FSTL4: variants seen among roughly 807,000 people sequenced by gnomAD.
The protein encoded by FSTL4 is follistatin-related protein 4.
In FSTL4, 28 loss-of-function variants were observed where a neutral mutation model predicts 78.2. The ratio of observed to expected loss-of-function variants is 0.36; its 90% CI spans 0.27 to 0.49. The LOEUF is 0.49. FSTL4 is among the 20% of genes least tolerant of loss of function. The probability of loss-of-function intolerance (pLI) is 0.98; values close to 1 mark genes in which losing one functional copy is unlikely to be tolerated. For synonymous variants in FSTL4, 422 were observed against 440.5 expected, an observed-to-expected ratio of 0.96 and a Z score of 0.53; for missense variants, 922 against 1,084.9, an observed-to-expected ratio of 0.85 and a Z score of 2.11.
At chr5:133,351,146 G>A (rs1754813595) in intron 4 of FSTL4, among the ~76,000 whole-genome samples, 1 of 152,148 alleles carries the variant, frequency 6.6e-6, no homozygotes, top group African/African-American at 2.4e-5. Context: ...CTATACCTGA[G>A]CCCTTCTCGT....
At chr5:133,791,998 C>G in the FSTL4 span, among the ~76,000 whole-genome samples, 2 of 152,364 alleles carry the variant, frequency 1.3e-5, no homozygotes, top group Non-Finnish European at 2.9e-5. Flanking sequence ...TTTGCATCAA[C>G]CTGTAAATTA....
the FSTL4 span, among the ~76,000 whole-genome samples, chr5:133,696,458 T>C: frequency 6.6e-6 from 1 of 152,204 alleles, no homozygotes; most frequent in Admixed American, 6.5e-5. Flanking sequence ...AGAATTCCCC[T>C]GCCTGATCTC....
At chr5:133,544,400 T>C (rs1346009009) in intron 3 of FSTL4, among the ~76,000 whole-genome samples, 4 of 152,208 alleles carry the variant, frequency 2.6e-5, no homozygotes, top group Non-Finnish European at 4.4e-5. Context: ...TGAGGAAACA[T>C]TGGCAACTTA....
At chr5:133,835,257 G>A in the FSTL4 span, among the ~76,000 whole-genome samples, 2 of 152,176 alleles carry the variant, frequency 1.3e-5, no homozygotes, top group African/African-American at 4.8e-5. Flanking sequence ...TTTGATTCTT[G>A]CTACTGACTC....
Position 133,217,217 on chromosome 5 carries a change from A to G in FSTL4, c.1608+12T>C. ...AATTTGAAGTTTTCCTCACTCCATTAAAGAGGTGTACCTGTAGGACTTTCT... is the reference window on the plus strand; with the variant it reads ...AATTTGAAGTTTTCCTCACTCCATTGAAGAGGTGTACCTGTAGGACTTTCT... On this transcript the variant is annotated intron_variant, in intron 13 of 15. Transcript: ENST00000265342. The G allele has an allele frequency of 6.2e-7, 1 of 1,608,612 alleles. No homozygotes were observed. The highest frequency in any genetic ancestry group is 1.1e-5 in the South Asian group (1 of 90,436).
intron 6 of FSTL4, among the ~76,000 whole-genome samples, chr5:133,307,118 C>T (rs925345113): frequency 1.3e-5 from 2 of 152,174 alleles, no homozygotes; most frequent in Admixed American, 1.3e-4. Flanking sequence ...CAAAGTCACA[C>T]AGTTAGTCAG....
At chr5:133,417,514 A>G (rs1407169510) in intron 3 of FSTL4, among the ~76,000 whole-genome samples, 2 of 152,228 alleles carry the variant, frequency 1.3e-5, no homozygotes, top group African/African-American at 4.8e-5. Context: ...AGACAACTCA[A>G]TATCTGAAGC....
At chr5:133,506,622 C>T (rs990930752) in intron 3 of FSTL4, among the ~76,000 whole-genome samples, 27 of 152,120 alleles carry the variant, frequency 1.8e-4, no homozygotes, top group Admixed American at 1.2e-3. Flanking sequence ...ACCTCTGTAA[C>T]GGGGGAATAA....
At chr5:133,494,342 T>C (rs1458180453) in intron 3 of FSTL4, among the ~76,000 whole-genome samples, 5 of 149,676 alleles carry the variant, frequency 3.3e-5, no homozygotes, top group Non-Finnish European at 5.9e-5. Context: ...AAGATGATAC[T>C]TGTGATATCT....
the FSTL4 span, among the ~76,000 whole-genome samples, chr5:133,826,585 G>C: frequency 1.2e-4 from 19 of 152,298 alleles, no homozygotes; most frequent in East Asian, 2.1e-3. Flanking sequence ...TGTCTTCTCT[G>C]TGTCTCAAAT....
chr5:133,529,415 A>G (rs1759203902), intron 3 of FSTL4, among the ~76,000 whole-genome samples: 1 of 152,114 alleles, frequency 6.6e-6, no homozygotes, highest in Non-Finnish European at 1.5e-5. Context: ...CAACCCAGAC[A>G]CAAACAGTCA....
intron 3 of FSTL4, among the ~76,000 whole-genome samples, chr5:133,423,448 G>C (rs60139281): frequency 6.6e-6 from 1 of 152,340 alleles, no homozygotes; most frequent in African/African-American, 2.4e-5. Context: ...CTGTGGAAGA[G>C]GCCCTCAGCC....
At chr5:133,699,073 G>A in the FSTL4 span, among the ~76,000 whole-genome samples, 2 of 152,138 alleles carry the variant, frequency 1.3e-5, no homozygotes, top group African/African-American at 4.8e-5. Flanking sequence ...GGAGGTCAGG[G>A]CCCACTACAA....
intron 14 of FSTL4, chr5:133,207,949 C>T (rs982224241): frequency 6.6e-6 from 1 of 152,208 alleles, no homozygotes; most frequent in African/African-American, 2.4e-5. Flanking sequence ...CTGCACCTGG[C>T]TCCTACTCTT....
chr5:133,685,099 A>G, the FSTL4 span, among the ~76,000 whole-genome samples: 1 of 152,232 alleles, frequency 6.6e-6, no homozygotes, highest in African/African-American at 2.4e-5. Context: ...TCAGCCAATC[A>G]GTGGCAACAG....
chr5:133,820,208 G>T, the FSTL4 span, among the ~76,000 whole-genome samples: 1 of 152,120 alleles, frequency 6.6e-6, no homozygotes, highest in Non-Finnish European at 1.5e-5. Flanking sequence ...CAGCTTCCCC[G>T]GGCCGGCTGG....
chr5:133,245,735 T>C (rs748913249), intron 7 of FSTL4, among the ~76,000 whole-genome samples: 1 of 152,098 alleles, frequency 6.6e-6, no homozygotes, highest in Non-Finnish European at 1.5e-5. Flanking sequence ...CCACACACGA[T>C]TGGGTGACTC....
intron 4 of FSTL4, among the ~76,000 whole-genome samples, chr5:133,341,534 G>C (rs559035306): frequency 2.6e-5 from 4 of 152,068 alleles, no homozygotes; most frequent in African/African-American, 9.7e-5. Flanking sequence ...GGGACAGGCC[G>C]GTGGAGACCT....
chr5:133,501,331 G>C (rs1420658822), intron 3 of FSTL4, among the ~76,000 whole-genome samples: 6 of 152,124 alleles, frequency 3.9e-5, no homozygotes, highest in Non-Finnish European at 8.8e-5. Context: ...GCACAAAATT[G>C]GTCATGTTTG....
Sources: gnomAD v4.1 joint callset for allele counts (sites outside exome capture counted in the v4.1 genomes callset) on GRCh38, gnomAD v4.1.1 for gene constraint, MANE v1.5 for transcripts, NCBI Gene and HGNC (gene_info 2026-07-23, HGNC 2026-07-21) for gene names.